Variants in RBFOX1 observed in about 807,000 individuals in gnomAD.
RBFOX1 encodes RNA binding protein fox-1 homolog 1.
A neutral mutation model predicts 57.7 loss-of-function variants in RBFOX1; 8 were observed. The observed-to-expected ratio is 0.14, with a 90% CI of 0.08 to 0.25. RBFOX1 has a LOEUF of 0.25. RBFOX1 is among the 10% of genes least tolerant of loss of function. The probability of loss-of-function intolerance (pLI) is 1.00; values close to 1 mark genes in which losing one functional copy is unlikely to be tolerated. For missense variants in RBFOX1, 611 were observed against 548.5 expected (o/e 1.11, Z -1.14); for synonymous variants, 326 against 222.4 (o/e 1.47, Z -4.15).
chr16:7,153,232 C>T (rs917642030), intron 4 of RBFOX1, among the ~76,000 whole-genome samples: 3 of 151,908 alleles, frequency 2.0e-5, no homozygotes, highest in African/African-American at 7.3e-5. Flanking sequence ...AACTTTGAGT[C>T]TGGTAATGTC....
intron 4 of RBFOX1, among the ~76,000 whole-genome samples, chr16:7,479,911 T>C (rs1217619899): frequency 1.3e-5 from 2 of 152,178 alleles, no homozygotes; most frequent in African/African-American, 4.8e-5. Context: ...ATTTCCCCCT[T>C]CCCAATTTGT....
intron 2 of RBFOX1, among the ~76,000 whole-genome samples, chr16:6,465,159 A>G (rs1337416862): frequency 2.0e-5 from 3 of 152,170 alleles, no homozygotes; most frequent in Non-Finnish European, 4.4e-5. Flanking sequence ...TTTCTGTGCG[A>G]TCAGGTTTTT....
intron 1 of RBFOX1, among the ~76,000 whole-genome samples, chr16:6,229,484 T>A (rs1010964767): frequency 1.3e-5 from 2 of 152,166 alleles, no homozygotes; most frequent in African/African-American, 4.8e-5. Flanking sequence ...ACAATGATGT[T>A]TGTGAGCATT....
At chr16:7,001,567 C>T (rs548053181) in intron 3 of RBFOX1, among the ~76,000 whole-genome samples, 1 of 152,192 alleles carries the variant, frequency 6.6e-6, no homozygotes, top group Middle Eastern at 3.4e-3. Flanking sequence ...AGTGATGCTC[C>T]TACATCAGCC....
chr16:6,401,249 C>A (rs1596629458), intron 2 of RBFOX1, among the ~76,000 whole-genome samples: 1 of 152,126 alleles, frequency 6.6e-6, no homozygotes, highest in Admixed American at 6.5e-5. Flanking sequence ...CTGGCCAGAT[C>A]TGGGATAATC....
intron 3 of RBFOX1, among the ~76,000 whole-genome samples, chr16:7,020,272 C>G (rs533069686): frequency 4.6e-5 from 7 of 152,108 alleles, no homozygotes; most frequent in African/African-American, 1.4e-4. Flanking sequence ...GTTACCCAGG[C>G]TGGAGTGCAG....
intron 3 of RBFOX1, among the ~76,000 whole-genome samples, chr16:5,673,215 A>G (rs1379502652): frequency 1.3e-5 from 2 of 152,092 alleles, no homozygotes; most frequent in East Asian, 3.9e-4. Context: ...TTATTCAAGT[A>G]GAAGTCACAG....
intron 1 of RBFOX1, among the ~76,000 whole-genome samples, chr16:6,162,056 G>A (rs961390168): frequency 1.3e-5 from 2 of 152,164 alleles, no homozygotes; most frequent in Non-Finnish European, 1.5e-5. Context: ...GAAAGAAAAC[G>A]CCTTTTCTAT....
At chr16:5,715,715 G>A (rs2051671978) in intron 3 of RBFOX1, among the ~76,000 whole-genome samples, 1 of 152,234 alleles carries the variant, frequency 6.6e-6, no homozygotes, top group African/African-American at 2.4e-5. Flanking sequence ...AATGTGCTGA[G>A]GTTGGGGGCA....
chr16:7,270,195 GC>G (rs1330587665), intron 4 of RBFOX1, among the ~76,000 whole-genome samples: 1 of 152,168 alleles, frequency 6.6e-6, no homozygotes, highest in Non-Finnish European at 1.5e-5. Flanking sequence ...GCTCTGTTCC[GC>G]CCCCAGGCAG....
chr16:6,310,991 A>G (rs1190898324), intron 1 of RBFOX1, among the ~76,000 whole-genome samples: 4 of 152,036 alleles, frequency 2.6e-5, no homozygotes, highest in African/African-American at 9.7e-5. Flanking sequence ...AGGACATTTC[A>G]ATTTAGTTTA....
intron 3 of RBFOX1, among the ~76,000 whole-genome samples, chr16:6,988,556 T>C (rs987463352): frequency 7.0e-6 from 1 of 143,294 alleles, no homozygotes; most frequent in Admixed American, 6.8e-5. Flanking sequence ...TATTTTAATT[T>C]AACTTTATTT....
intron 1 of RBFOX1, among the ~76,000 whole-genome samples, chr16:5,419,162 T>C (rs527382874): frequency 4.4e-4 from 67 of 152,270 alleles, no homozygotes; most frequent in African/African-American, 1.5e-3. Flanking sequence ...ATTAGGGTTC[T>C]CTAGAGAAAC....
rs1345662627 is a variant in RBFOX1, at chr16:7,054,213, C to CGGCGGGGGG, written c.27+2117_27+2118insCGGGGGGGG. On this transcript the variant is annotated intron_variant, in intron 4 of 15. Coordinates refer to ENST00000550418, the MANE Select transcript of RBFOX1 (RefSeq NM_018723.4). Reference sequence around the variant, plus strand: ...CCCTTATTAAGGTGATTTTTTTTTTCGGGGGGGGGGGGCGGGGAGCTTTTT... The same window carrying CGGCGGGGGG: ...CCCTTATTAAGGTGATTTTTTTTTTCGGCGGGGGGGGGGGGGGGGGGCGGGGAGCTTTTT... Among the ~76,000 whole-genome samples, 34 of 17,824 alleles carry CGGCGGGGGG rather than the reference C, an allele frequency of 1.9e-3. 1 individual carries two copies. Among genetic ancestry groups the CGGCGGGGGG allele is most frequent in the African/African-American group, 0.016 (34 of 2,166 alleles). The allele number at this position is 17,824 out of a possible 152,430, so 11.7% of individuals were successfully genotyped here.
intron 3 of RBFOX1, among the ~76,000 whole-genome samples, chr16:6,992,664 C>A (rs8061880): frequency 6.6e-6 from 1 of 152,000 alleles, no homozygotes; most frequent in Admixed American, 6.6e-5. Context: ...CAACTTCAAC[C>A]ATATTCTGTT....
chr16:6,873,318 T>G (rs930826332), intron 3 of RBFOX1, among the ~76,000 whole-genome samples: 9 of 152,126 alleles, frequency 5.9e-5, no homozygotes, highest in Non-Finnish European at 1.3e-4. Context: ...TTCCTTATGT[T>G]GGAGGGGGAA....
intron 4 of RBFOX1, among the ~76,000 whole-genome samples, chr16:7,375,285 A>G (rs1228361576): frequency 1.3e-5 from 2 of 152,168 alleles, no homozygotes; most frequent in Non-Finnish European, 2.9e-5. Flanking sequence ...TTCCAAAACT[A>G]CTTCTATGCC....
At chr16:5,504,296 C>A (rs990706305) in intron 2 of RBFOX1, among the ~76,000 whole-genome samples, 1 of 152,218 alleles carries the variant, frequency 6.6e-6, no homozygotes, top group East Asian at 1.9e-4. Context: ...CAACAGCTGC[C>A]AACTTTGAGG....
At chr16:5,625,186 A>G (rs1206745655) in intron 3 of RBFOX1, among the ~76,000 whole-genome samples, 1 of 152,108 alleles carries the variant, frequency 6.6e-6, no homozygotes, top group East Asian at 1.9e-4. Flanking sequence ...GCTTTACTGG[A>G]AGATGAGCCC....
Sources: gnomAD v4.1 joint callset for allele counts (sites outside exome capture counted in the v4.1 genomes callset) on GRCh38, gnomAD v4.1.1 for gene constraint, MANE v1.5 for transcripts, NCBI Gene and HGNC (gene_info 2026-07-23, HGNC 2026-07-21) for gene names.